The following CDK5RAP3 variants were observed in gnomAD, a reference collection of about 807,000 sequenced individuals.
The protein encoded by CDK5RAP3 is CDK5 regulatory subunit associated protein 3, also known as CDK5 regulatory subunit-associated protein 3.
CDK5RAP3 carries 58 observed loss-of-function variants against 73.3 expected under a neutral mutation model. The ratio of observed to expected loss-of-function variants is 0.79; its 90% CI spans 0.64 to 0.98. The LOEUF is 0.98. CDK5RAP3 is among the 50% of genes least tolerant of loss of function. The pLI is 0.00. For synonymous variants in CDK5RAP3, 224 were observed against 247.5 expected (o/e 0.91, Z 0.89); for missense variants, 525 against 615.8 (o/e 0.85, Z 1.56).
upstream of CDK5RAP3, chr17:47,970,983 G>C: frequency 6.8e-7 from 1 of 1,470,576 alleles, no homozygotes; most frequent in Non-Finnish European, 9.0e-7. Context: ...GGCGGGGCTT[G>C]AGGCCTGAGT....
At position 47,977,900 on chromosome 17, in the gene CDK5RAP3, A is replaced by G; in HGVS notation, c.978A>G (p.Ala326=). ...CTTTGCAGATCACAGTGCTGGAAGC[A>G]GGAACCCAGGGTAAGTGCACCATCC... The part of the protein sequence containing the change: ...AVALQITVLE[A]GTQAPEGVAR... The change falls in exon 10 of 14, where the codon GCA becomes GCG. Residue 326 remains alanine (A), a synonymous_variant. Coordinates refer to ENST00000338399, the MANE Select transcript of CDK5RAP3 (RefSeq NM_176096.3). The G allele has an allele frequency of 1.2e-6, 2 of 1,614,042 alleles. No individual in the cohort carries two copies. The highest frequency in any genetic ancestry group is 1.7e-6 in the Non-Finnish European group (2 of 1,179,930).
chr17:47,972,754 A>G (rs941346875), intron 2 of CDK5RAP3, among the ~76,000 whole-genome samples: 1 of 152,076 alleles, frequency 6.6e-6, no homozygotes, highest in African/African-American at 2.4e-5. Flanking sequence ...GCCGTGTCTC[A>G]GGCACACTGT....
chr17:47,974,271 A>G (rs907534924), intron 4 of CDK5RAP3, 129 bp from the exon 5 acceptor site: 4 of 896,472 alleles, frequency 4.5e-6, no homozygotes, highest in Admixed American at 3.7e-5. Flanking sequence ...GCAGAGTTGA[A>G]AGAAGGACAA....
intron 4 of CDK5RAP3, 22 bp from the exon 5 acceptor site, chr17:47,974,378 T>C (rs771880634): frequency 2.5e-6 from 4 of 1,606,372 alleles, no homozygotes; most frequent in Admixed American, 1.7e-5. Flanking sequence ...TGGCTTAACA[T>C]TGTTTTTCTG....
chr17:47,976,467 C>T (rs993983235), intron 8 of CDK5RAP3: 1 of 411,314 alleles, frequency 2.4e-6, no homozygotes, highest in Admixed American at 4.0e-5. Flanking sequence ...TCAAGCGATC[C>T]TCCCAAGTCA....
rs778338770 is a variant in CDK5RAP3, at chr17:47,973,992, G to A, written c.246G>A (p.Thr82=). The A allele has an allele frequency of 1.7e-5, 28 of 1,613,992 alleles. No individual in the cohort carries two copies. The highest frequency in any genetic ancestry group is 2.1e-5 in the Non-Finnish European group (25 of 1,179,964). ...TTCTCAAAGGCACAGAGGCCTCCACGAAGAATATTTTTGGCCGATACTCTT... is the reference window on the plus strand; with the variant it reads ...TTCTCAAAGGCACAGAGGCCTCCACAAAGAATATTTTTGGCCGATACTCTT... ...LDLLKGTEAS[T]KNIFGRYSSQ... is the part of the protein sequence containing the mutation. Residue 82 remains threonine (T), a synonymous_variant, in exon 4 of 14, where the codon ACG becomes ACA. Coordinates refer to ENST00000338399, the MANE Select transcript of CDK5RAP3 (RefSeq NM_176096.3).
At position 47,975,496 on chromosome 17, in the gene CDK5RAP3, C is replaced by T. The variant is rs768983329; in HGVS notation, c.514-18C>T. On this transcript the variant is annotated intron_variant, in intron 6 of 13. Coordinates refer to ENST00000338399, the MANE Select transcript of CDK5RAP3 (RefSeq NM_176096.3). ...TTTTCTTCAATCTGTTGGACTCCAC[C>T]TCTTCTCCCCTCTCTAGGGCGAAAA... 2.5e-6 allele frequency: 4 copies of T among 1,610,184 alleles called. No individual in the cohort carries two copies. Among genetic ancestry groups the T allele is most frequent in the East Asian group, 4.5e-5 (2 of 44,876 alleles).
At position 47,975,934 on chromosome 17, in the gene CDK5RAP3, A is replaced by T. The variant is rs2036399661; in HGVS notation, c.719A>T (p.Glu240Val). ...AAGCGGGGAAACTCAACGGTGTACG[A>T]GTGGAGGACAGGGACAGAGCCCTCT... Reference protein sequence around the residue: ...VQKRGNSTVYEWRTGTEPSVV... With the variant: ...VQKRGNSTVYVWRTGTEPSVV... The change falls in exon 8 of 14, where the codon GAG becomes GTG. Residue 240 changes from glutamate to valine, a missense_variant. By Grantham distance (121) the Glu-to-Val change is moderately radical. This residue lies in a region of CDK5RAP3 where 409 missense variants were observed against 429.8 expected (regional missense o/e 0.95). Transcript: ENST00000338399. 6.2e-7 allele frequency: 1 copy of T among 1,614,178 alleles called. No homozygotes were observed. Among genetic ancestry groups the T allele is most frequent in the South Asian group, 1.1e-5 (1 of 91,090 alleles).
At chr17:47,973,372 G>A (rs2036312987) in intron 2 of CDK5RAP3, 147 bp from the exon 3 acceptor site, 4 of 849,428 alleles carry the variant, frequency 4.7e-6, no homozygotes, top group Non-Finnish European at 7.0e-6. Flanking sequence ...CTTTGGGCTT[G>A]TCTTTATTCC....
At position 47,976,665 on chromosome 17, in the gene CDK5RAP3, T is replaced by C. The variant is rs762429236; in HGVS notation, c.799-47T>C. The C allele has an allele frequency of 2.9e-5, 40 of 1,368,830 alleles. No individual in the cohort carries two copies. In the East Asian group the frequency reaches 9.3e-4, roughly 32 times the overall value. 84.8% of individuals were successfully genotyped at this position (1,368,830 alleles called of 1,614,324 possible). Reference sequence around the variant, plus strand: ...AGACATGAGCCACCATGCCCGGCCCTTTTTAAATCCATCTTCCATGAGCTA... The same window carrying C: ...AGACATGAGCCACCATGCCCGGCCCCTTTTAAATCCATCTTCCATGAGCTA... On this transcript the variant is annotated intron_variant, in intron 8 of 13. Transcript: ENST00000338399.
chr17:47,971,176 G>T (rs1312462873), intron 1 of CDK5RAP3, 24 bp downstream of exon 1: 2 of 1,543,010 alleles, frequency 1.3e-6, no homozygotes, highest in Non-Finnish European at 1.8e-6. Flanking sequence ...AGCTGGGTGT[G>T]CTGGGGACTG....
At chr17:47,969,779 T>A (rs1300288565), upstream of CDK5RAP3, among the ~76,000 whole-genome samples, 1 of 152,020 alleles carries the variant, frequency 6.6e-6, no homozygotes. Context: ...TCCAAAATTA[T>A]AGACCCAAGT....
Position 47,974,423 on chromosome 17 carries a change from G to A in CDK5RAP3, c.309G>A (p.Leu103=), listed in dbSNP as rs560714156. The change falls in exon 5 of 14, where the codon CTG becomes CTA. Residue 103 remains leucine, a synonymous_variant. Transcript: ENST00000338399. ...RMKDWQEIIA[L]YEKDNTYLVE... The stretch of plus-strand genomic sequence containing the variant: ...AGGATTGGCAGGAGATTATAGCTCT[G>A]TATGAGAAGGACAACACCTACTTAG... 35 of 1,614,176 alleles carry A rather than the reference G, an allele frequency of 2.2e-5. No homozygotes were observed. The African/African-American group carries it at 4.4e-4, about 20-fold the overall frequency.
At chr17:47,970,735 G>A (rs1366020315), upstream of CDK5RAP3, 2 of 1,534,374 alleles carry the variant, frequency 1.3e-6, no homozygotes, top group East Asian at 4.9e-5. Flanking sequence ...TATTTGCAAC[G>A]GCCTCCCAGA....
intron 6 of CDK5RAP3, 80 bp from the exon 7 acceptor site, chr17:47,975,434 T>G (rs1418644400): frequency 6.2e-7 from 1 of 1,607,710 alleles, no homozygotes; most frequent in Non-Finnish European, 8.5e-7. Context: ...TGCACCCCCT[T>G]TGGGCCAGTG....
At chr17:47,971,269 T>C (rs777220265) in intron 1 of CDK5RAP3, 93 bp from the exon 2 acceptor site, 1 of 1,542,934 alleles carries the variant, frequency 6.5e-7, no homozygotes, top group South Asian at 1.2e-5. Flanking sequence ...GTTCTGGCCC[T>C]GCAGGGTGGT....
intron 12 of CDK5RAP3, 148 bp downstream of exon 12, chr17:47,980,946 A>AG: frequency 1.1e-6 from 1 of 915,534 alleles, no homozygotes; most frequent in Non-Finnish European, 1.7e-6. Context: ...TTGGGACAAG[A>AG]GGGGGAGGTT....
rs2036402909 is a variant in CDK5RAP3, at chr17:47,976,009, A to G, written c.794A>G (p.Asp265Gly). The G allele has an allele frequency of 2.5e-6, 4 of 1,613,734 alleles. No individual in the cohort carries two copies. The South Asian group carries it at 3.3e-5, about 13-fold the overall frequency. Residue 265 changes from aspartate (D) to glycine (G), a missense_variant, in exon 8 of 14, where the codon GAT becomes GGT. This residue lies in a region of CDK5RAP3 where 409 missense variants were observed against 429.8 expected (regional missense o/e 0.95). Transcript: ENST00000338399. ...GAGCTTCCTGAGCAGGTGGCAGAAG[A>G]TGCGGTAAGATGGGCCTTGTGATGA... The part of the protein sequence containing the change: ...LEELPEQVAE[D>G]AIDWGDFGVE...
Position 47,971,155 on chromosome 17 carries a change from G to A in CDK5RAP3, c.6+3G>A. 1 of 1,548,998 alleles carries A rather than the reference G, an allele frequency of 6.5e-7. No homozygotes were observed. Among genetic ancestry groups the A allele is most frequent in the Non-Finnish European group, 8.7e-7 (1 of 1,145,552 alleles). The stretch of plus-strand genomic sequence containing the variant: ...GCGGAAGTGGAGGAAAGATGGAGGT[G>A]TGGGGACAGGAGCTGGGTGTGCTGG... On this transcript the variant is annotated splice_donor_region_variant and intron_variant, in intron 1 of 13. Coordinates refer to ENST00000338399, the MANE Select transcript of CDK5RAP3 (RefSeq NM_176096.3).
Sources: allele counts gnomAD v4.1 joint callset (sites outside exome capture counted in the v4.1 genomes callset), GRCh38; gene constraint gnomAD v4.1.1; regional missense constraint gnomAD v4.1.1; transcripts MANE v1.5; gene names NCBI Gene and HGNC (gene_info 2026-07-23, HGNC 2026-07-21).